CNTNAP2: variants seen among roughly 807,000 people sequenced by gnomAD.
CNTNAP2 encodes the protein contactin associated protein 2.
In CNTNAP2, 98 loss-of-function variants were observed where a neutral mutation model predicts 155.2. That is an observed-to-expected ratio of 0.63 (90% CI 0.54 to 0.75). The LOEUF is 0.75. Among genes scored for constraint, CNTNAP2 ranks in the 30% least tolerant of loss-of-function variants. The pLI, the probability that CNTNAP2 is intolerant of heterozygous loss-of-function variation, is 0.00. For missense variants in CNTNAP2, 1,727 were observed against 1,688.1 expected (o/e 1.02, Z -0.40); for synonymous variants, 651 against 631.2 (o/e 1.03, Z -0.47).
At chr7:146,716,506 T>C (rs1231753379) in intron 1 of CNTNAP2, among the ~76,000 whole-genome samples, 1 of 152,226 alleles carries the variant, frequency 6.6e-6, no homozygotes. Context: ...TACAAACACC[T>C]TTGTTTCTGA....
chr7:146,125,262 T>G (rs920193436), intron 1 of CNTNAP2, among the ~76,000 whole-genome samples: 1 of 152,182 alleles, frequency 6.6e-6, no homozygotes, highest in African/African-American at 2.4e-5. Flanking sequence ...TGTTTTTGTA[T>G]GTCCACAGTA....
At chr7:146,564,037 C>T (rs1270807709) in intron 1 of CNTNAP2, among the ~76,000 whole-genome samples, 1 of 152,128 alleles carries the variant, frequency 6.6e-6, no homozygotes, top group Non-Finnish European at 1.5e-5. Context: ...AAATTCTACA[C>T]ATCTACCAGT....
chr7:148,299,784 C>A (rs1302314220), intron 21 of CNTNAP2, among the ~76,000 whole-genome samples: 5 of 152,182 alleles, frequency 3.3e-5, no homozygotes, highest in Non-Finnish European at 7.3e-5. Flanking sequence ...GCCCAGTAGG[C>A]TTTTTAGCTT....
intron 10 of CNTNAP2, among the ~76,000 whole-genome samples, chr7:147,470,453 G>A (rs566040561): frequency 6.7e-6 from 1 of 149,534 alleles, no homozygotes; most frequent in African/African-American, 2.5e-5. Context: ...CTTGGATTAT[G>A]GTAATAGCAG....
chr7:147,079,808 G>C (rs1372070021), intron 4 of CNTNAP2, among the ~76,000 whole-genome samples: 2 of 151,942 alleles, frequency 1.3e-5, no homozygotes, highest in Admixed American at 6.6e-5. Flanking sequence ...TCCCATAGCT[G>C]CTGTTTGTTG....
chr7:148,121,001 G>T (rs1001915359), intron 16 of CNTNAP2, among the ~76,000 whole-genome samples: 1 of 152,070 alleles, frequency 6.6e-6, no homozygotes, highest in Non-Finnish European at 1.5e-5. Context: ...GAGGCTTGTT[G>T]CTGTCGCTGT....
At chr7:147,470,786 A>T (rs1249597420) in intron 10 of CNTNAP2, among the ~76,000 whole-genome samples, 3 of 152,090 alleles carry the variant, frequency 2.0e-5, no homozygotes, top group Non-Finnish European at 2.9e-5. Context: ...CTAACTGCAG[A>T]TGAGGTGGGG....
chr7:146,426,609 T>C (rs1482109226), intron 1 of CNTNAP2, among the ~76,000 whole-genome samples: 1 of 140,966 alleles, frequency 7.1e-6, no homozygotes, highest in Non-Finnish European at 1.5e-5. Context: ...AGTGACTCAT[T>C]TCAATAACAC....
chr7:147,344,002 T>G (rs1795805572), intron 9 of CNTNAP2, among the ~76,000 whole-genome samples: 1 of 152,190 alleles, frequency 6.6e-6, no homozygotes, highest in African/African-American at 2.4e-5. Flanking sequence ...GTTCTCTCAT[T>G]TACTCTTCAA....
intron 1 of CNTNAP2, among the ~76,000 whole-genome samples, chr7:146,152,831 A>G (rs898978210): frequency 6.6e-6 from 1 of 152,148 alleles, no homozygotes; most frequent in Non-Finnish European, 1.5e-5. Flanking sequence ...CCTGTTGAGG[A>G]CCTTATAACT....
At chr7:147,235,198 G>C in intron 8 of CNTNAP2, among the ~76,000 whole-genome samples, 1 of 151,720 alleles carries the variant, frequency 6.6e-6, no homozygotes, top group Non-Finnish European at 1.5e-5. Flanking sequence ...TTTTTTTCCT[G>C]TCTTTGGACT....
At chr7:147,798,627 C>G (rs1346817433) in intron 13 of CNTNAP2, among the ~76,000 whole-genome samples, 4 of 152,130 alleles carry the variant, frequency 2.6e-5, no homozygotes, top group African/African-American at 9.7e-5. Flanking sequence ...GAAAACCAAA[C>G]CTTTCCAGTA....
At chr7:147,795,313 TA>T (rs1303068323) in intron 13 of CNTNAP2, among the ~76,000 whole-genome samples, 1 of 152,094 alleles carries the variant, frequency 6.6e-6, no homozygotes, top group Non-Finnish European at 1.5e-5. Context: ...GCCTTTTAAT[TA>T]GATTGTTTAA....
intron 15 of CNTNAP2, among the ~76,000 whole-genome samples, chr7:148,013,439 G>A (rs900109572): frequency 6.6e-6 from 1 of 152,176 alleles, no homozygotes; most frequent in African/African-American, 2.4e-5. Flanking sequence ...CATTCTTCCA[G>A]AATGGCTACC....
intron 8 of CNTNAP2, among the ~76,000 whole-genome samples, chr7:147,232,200 G>A (rs551722443): frequency 6.6e-6 from 1 of 152,290 alleles, no homozygotes; most frequent in South Asian, 2.1e-4. Context: ...TGAAAAGATA[G>A]CCCATATACA....
intron 8 of CNTNAP2, among the ~76,000 whole-genome samples, chr7:147,210,673 G>A (rs942377576): frequency 6.6e-6 from 1 of 151,892 alleles, no homozygotes; most frequent in African/African-American, 2.4e-5. Context: ...TTCTCTAAGT[G>A]TGATGTTAGA....
At chr7:146,821,106 G>C (rs537880011) in intron 2 of CNTNAP2, among the ~76,000 whole-genome samples, 167 of 152,242 alleles carry the variant, frequency 1.1e-3, no homozygotes, top group African/African-American at 3.7e-3. Flanking sequence ...GATGGGTCTT[G>C]ACTCTTTATC....
intron 1 of CNTNAP2, among the ~76,000 whole-genome samples, chr7:146,764,511 G>T (rs1223469107): frequency 6.7e-6 from 1 of 149,404 alleles, no homozygotes; most frequent in Non-Finnish European, 1.5e-5. Flanking sequence ...GATCAAGTTC[G>T]AGGAGTCAAA....
intron 1 of CNTNAP2, among the ~76,000 whole-genome samples, chr7:146,735,124 G>A (rs1478691988): frequency 1.3e-5 from 2 of 152,002 alleles, no homozygotes; most frequent in Admixed American, 6.6e-5. Flanking sequence ...TTAACAATCC[G>A]GTATTATACA....
Sources: gnomAD v4.1 joint callset for allele counts (sites outside exome capture counted in the v4.1 genomes callset) on GRCh38, gnomAD v4.1.1 for gene constraint, MANE v1.5 for transcripts, NCBI Gene and HGNC (gene_info 2026-07-23, HGNC 2026-07-21) for gene names.